DZANK1: variants seen among roughly 807,000 people sequenced by gnomAD.
DZANK1 encodes the protein double zinc ribbon and ankyrin repeat-containing protein 1.
In DZANK1, 91 loss-of-function variants were observed where a neutral mutation model predicts 94.5. The ratio of observed to expected loss-of-function variants is 0.96; its 90% CI spans 0.81 to 1.15. The LOEUF (loss-of-function observed/expected upper bound fraction) is 1.15, where lower values mean the gene tolerates loss of function less well. Among genes scored for constraint, DZANK1 ranks in the 50% most tolerant of loss-of-function variants. DZANK1 has a pLI of 0.00. For missense variants in DZANK1, 903 were observed against 916.4 expected, an observed-to-expected ratio of 0.99 and a Z score of 0.19; for synonymous variants, 312 against 325.3, an observed-to-expected ratio of 0.96 and a Z score of 0.44.
chr20:18,396,585 T>C (rs1480247960), intron 14 of DZANK1, 39 bp from the exon 15 acceptor site: 1 of 1,500,860 alleles, frequency 6.7e-7, no homozygotes, highest in East Asian at 2.3e-5. Context: ...TAACTGTGGG[T>C]GTGGGACTCA....
intron 19 of DZANK1, 69 bp from the exon 20 acceptor site, chr20:18,385,159 G>A: frequency 6.8e-7 from 1 of 1,462,772 alleles, no homozygotes; most frequent in East Asian, 2.5e-5. Flanking sequence ...GAGGATGCAT[G>A]TGACCCAAGG....
In DZANK1 at chr20:18,441,356, G is replaced by A. The variant is rs1306575321; in HGVS notation, c.747+1991C>T. Among the ~76,000 whole-genome samples the A allele has an allele frequency of 6.6e-6, 1 of 152,150 alleles. No homozygotes were observed. Among genetic ancestry groups the A allele is most frequent in the Non-Finnish European group, 1.5e-5 (1 of 68,044 alleles). ...AATCCCATTTCCCAGTTTATTTCCT[G>A]GGACCAATCCCACTACCAATTCTGT... is the stretch of plus-strand genomic sequence containing the variant. On this transcript the variant is annotated intron_variant, in intron 8 of 20. Transcript: ENST00000262547. This position sits in a 1 kb window ranked among gnomAD's most constrained non-coding sequence, Gnocchi z 4.1.
intron 10 of DZANK1, among the ~76,000 whole-genome samples, chr20:18,425,894 A>T (rs1466158102): frequency 6.6e-6 from 1 of 152,194 alleles, no homozygotes; most frequent in Non-Finnish European, 1.5e-5. Flanking sequence ...AGAGAAGATG[A>T]AACTGTTCAT....
chr20:18,420,378 A>T, intron 10 of DZANK1: 1 of 167,140 alleles, frequency 6.0e-6, no homozygotes, highest in East Asian at 1.7e-4. Flanking sequence ...TCCTCAGAGT[A>T]CTGCCACTTG....
chr20:18,436,236 T>C (rs187110952), intron 8 of DZANK1, among the ~76,000 whole-genome samples: 13 of 152,226 alleles, frequency 8.5e-5, no homozygotes, highest in Admixed American at 8.5e-4. Context: ...ACAGAAATTA[T>C]TTTTTTAAAA....
At chr20:18,399,954 A>G (rs6045380) in intron 13 of DZANK1, among the ~76,000 whole-genome samples, 17,199 of 152,278 alleles carry the variant, frequency 0.11, 1,067 homozygotes, top group African/African-American at 0.16. Flanking sequence ...GTCATGCAGC[A>G]TGGTTCAGTG....
At chr20:18,456,946 T>C (rs2059313606) in intron 3 of DZANK1, among the ~76,000 whole-genome samples, 1 of 152,202 alleles carries the variant, frequency 6.6e-6, no homozygotes, top group Admixed American at 6.5e-5. Context: ...TGTTGGGTCA[T>C]ATGGCAGGTA....
chr20:18,394,543 ACCCGCGGC>A, intron 15 of DZANK1, 193 bp from the exon 16 acceptor site: 1 of 689,986 alleles, frequency 1.4e-6, no homozygotes, highest in South Asian at 1.5e-5. Context: ...TCTGCCCCTT[ACCCGCGGC>A]TCAGTCTGGC....
chr20:18,422,358 T>G (rs1436269105), intron 10 of DZANK1, among the ~76,000 whole-genome samples: 1 of 152,198 alleles, frequency 6.6e-6, no homozygotes. Context: ...GGTAGATGCA[T>G]GAATTTATTT....
At chr20:18,462,389 AAGG>A (rs967019626) in intron 2 of DZANK1, among the ~76,000 whole-genome samples, 1 of 152,150 alleles carries the variant, frequency 6.6e-6, no homozygotes, top group African/African-American at 2.4e-5. Flanking sequence ...AGAGAAGCGT[AAGG>A]AGAAGAAATA....
intron 16 of DZANK1, 109 bp downstream of exon 16, chr20:18,394,145 G>T: frequency 2.1e-6 from 2 of 940,788 alleles, no homozygotes; most frequent in Non-Finnish European, 1.6e-6. Context: ...GAACATAACT[G>T]CAAGATCTGT....
At chr20:18,462,709 G>A (rs2059510777) in intron 2 of DZANK1, among the ~76,000 whole-genome samples, 1 of 152,080 alleles carries the variant, frequency 6.6e-6, no homozygotes, top group South Asian at 2.1e-4. Context: ...AGAAATAAGA[G>A]TTGAGGCCGG....
At chr20:18,407,744 C>G (rs1257325142) in intron 13 of DZANK1, among the ~76,000 whole-genome samples, 1 of 152,136 alleles carries the variant, frequency 6.6e-6, no homozygotes, top group Non-Finnish European at 1.5e-5. Context: ...TAAAAAGAAT[C>G]AAGTAGAAAT....
At position 18,394,249 on chromosome 20, in the gene DZANK1, C is replaced by T. The variant is rs1302653032; in HGVS notation, c.1708+5G>A. The T allele has an allele frequency of 1.9e-6, 3 of 1,612,172 alleles. No homozygotes were observed. Among genetic ancestry groups the T allele is most frequent in the Non-Finnish European group, 2.5e-6 (3 of 1,179,228 alleles). ...TTTTAAAATTGCCAGAAGGGAATAA[C>T]TCACCCCAGCTGGACCTGCTGCCGC... is the stretch of plus-strand genomic sequence containing the variant. On this transcript the variant is annotated splice_donor_5th_base_variant and intron_variant, in intron 16 of 20. Transcript: ENST00000262547.
At chr20:18,437,993 C>A (rs1045828771) in intron 8 of DZANK1, among the ~76,000 whole-genome samples, 2 of 151,680 alleles carry the variant, frequency 1.3e-5, no homozygotes, top group Admixed American at 1.3e-4. Context: ...CCGAGGCGGG[C>A]GGATCATGAG....
At position 18,412,520 on chromosome 20, in the gene DZANK1, G is replaced by A. The variant is rs754061549; in HGVS notation, c.1432+126C>T. The A allele has an allele frequency of 4.0e-6, 4 of 990,490 alleles. No homozygotes were observed. In the South Asian group the frequency reaches 6.4e-5, roughly 16 times the overall value. 61.4% of individuals were successfully genotyped at this position (990,490 alleles called of 1,614,324 possible). A position where few individuals can be genotyped will look rare whatever the true frequency, so the allele number is the denominator to read the frequency against. On this transcript the variant is annotated intron_variant, in intron 13 of 20. Transcript: ENST00000262547. ...AATACAAAGAAAATTACTTGAAAAA[G>A]AGGAAAAGAAAGAAACTTACTTCTT...
rs183096903 is a variant in DZANK1 at position 18,399,964 on chromosome 20, G to T, written c.1433-1338C>A. ...CCAAGGTCATGCAGCATGGTTCAGT[G>T]GAAAGAGAACATAATTTGGAGTTCA... On this transcript the variant is annotated intron_variant, in intron 13 of 20. Transcript: ENST00000262547. Among the ~76,000 whole-genome samples, 204 of 152,312 alleles carry T rather than the reference G, an allele frequency of 1.3e-3. 1 individual carries two copies. Among genetic ancestry groups the T allele is most frequent in the African/African-American group, 4.7e-3 (196 of 41,558 alleles).
At chr20:18,440,669 C>T (rs1163183504) in intron 8 of DZANK1, among the ~76,000 whole-genome samples, 8 of 152,078 alleles carry the variant, frequency 5.3e-5, no homozygotes, top group Non-Finnish European at 1.2e-4. Flanking sequence ...AGCCATCTGC[C>T]CAGGTGAGGT....
chr20:18,397,444 C>T (rs914292702), intron 14 of DZANK1, among the ~76,000 whole-genome samples: 1 of 152,066 alleles, frequency 6.6e-6, no homozygotes, highest in Non-Finnish European at 1.5e-5. Flanking sequence ...TGACAGGGTC[C>T]GACAGATCTG....
Sources: gnomAD v4.1 joint callset for allele counts (sites outside exome capture counted in the v4.1 genomes callset) on GRCh38, gnomAD v4.1.1 for gene constraint, Gnocchi (gnomAD v3.1) non-coding constraint, MANE v1.5 for transcripts, NCBI Gene and HGNC (gene_info 2026-07-23, HGNC 2026-07-21) for gene names.